The following UBA52 variants were observed in gnomAD, a reference collection of about 807,000 sequenced individuals.
UBA52 encodes ubiquitin-ribosomal protein eL40 fusion protein.
A neutral mutation model predicts 15.3 loss-of-function variants in UBA52; 1 was observed. The ratio of observed to expected loss-of-function variants is 0.07; its 90% confidence interval spans 0.02 to 0.31. UBA52 has a LOEUF of 0.31. Ranked by LOEUF, UBA52 falls within the 10% of genes least tolerant of loss-of-function variation. The probability of loss-of-function intolerance (pLI) is 1.00; values close to 1 mark genes in which losing one functional copy is unlikely to be tolerated. For synonymous variants in UBA52, 50 were observed against 58.3 expected, an observed-to-expected ratio of 0.86 and a Z score of 0.65; for missense variants, 87 against 168.0, an observed-to-expected ratio of 0.52 and a Z score of 2.66.
chr19:18,574,171 C>G (rs1338977554), intron 3 of UBA52, among the ~76,000 whole-genome samples: 2 of 150,062 alleles, frequency 1.3e-5, no homozygotes, highest in Non-Finnish European at 3.0e-5. Flanking sequence ...GTAGTCCCAG[C>G]TACTCAGGAG....
intron 3 of UBA52, 113 bp downstream of exon 3, chr19:18,573,861 A>G (rs1043670003): frequency 5.9e-6 from 6 of 1,021,092 alleles, no homozygotes; most frequent in Non-Finnish European, 7.2e-6. Context: ...TTTTGTTTAA[A>G]ATAATGGGAC....
chr19:18,565,849 A>G, the UBA52 span, among the ~76,000 whole-genome samples: 1 of 152,052 alleles, frequency 6.6e-6, no homozygotes, highest in African/African-American at 2.4e-5. Flanking sequence ...TGCCACGCCC[A>G]GCTGATTTTT....
upstream of UBA52, chr19:18,568,265 CAAAAAAAAA>C: frequency 2.0e-6 from 1 of 498,658 alleles, no homozygotes; most frequent in Non-Finnish European, 3.4e-6. Context: ...AACTCCGTCT[CAAAAAAAAA>C]AAAAAAAAAG....
intron 3 of UBA52, among the ~76,000 whole-genome samples, chr19:18,574,215 CAA>C (rs41293565): frequency 1.4e-5 from 2 of 143,886 alleles, no homozygotes; most frequent in African/African-American, 2.5e-5. Flanking sequence ...ACTCGGGAGA[CAA>C]AAAAAAAAAG....
chr19:18,564,760 T>C, the UBA52 span: 2 of 1,260,346 alleles, frequency 1.6e-6, no homozygotes, highest in Non-Finnish European at 1.1e-6. Flanking sequence ...GAACAGCCCA[T>C]GCAAAGGTTG....
At chr19:18,565,516 G>A in the UBA52 span, among the ~76,000 whole-genome samples, 7 of 152,062 alleles carry the variant, frequency 4.6e-5, no homozygotes, top group East Asian at 1.4e-3. Flanking sequence ...ACAGGCGTGA[G>A]CCACTGCGCC....
chr19:18,567,484 G>T (rs1235690841), upstream of UBA52, among the ~76,000 whole-genome samples: 1 of 152,220 alleles, frequency 6.6e-6, no homozygotes, highest in African/African-American at 2.4e-5. Context: ...ACGGGCTCAT[G>T]TGACACCAGC....
Position 18,577,339 on chromosome 19 carries a change from G to C in UBA52, c.*2189G>C, listed in dbSNP as rs893682917. 1 of 152,174 alleles carries C rather than the reference G, an allele frequency of 6.6e-6. No homozygotes were observed. The highest frequency in any genetic ancestry group is 1.5e-5 in the Non-Finnish European group (1 of 68,044). 9.4% of individuals were successfully genotyped at this position (152,174 alleles called of 1,614,324 possible). A position where few individuals can be genotyped will look rare whatever the true frequency, so the allele number is the denominator to read the frequency against. On this transcript the variant is annotated 3_prime_UTR_variant, in exon 5 of 5. Transcript: ENST00000442744. ...CTCTTAATGGACAAAAAGAAAGAAA[G>C]GGGAGGGAGTAACAGGGATATGAGC...
At chr19:18,574,215 C>CAA (rs41293565) in intron 3 of UBA52, among the ~76,000 whole-genome samples, 90,560 of 143,534 alleles carry the variant, frequency 0.63, 28,182 homozygotes, top group African/African-American at 0.72. Context: ...ACTCGGGAGA[C>CAA]AAAAAAAAAA....
chr19:18,572,955 C>T, intron 1 of UBA52: 1 of 1,137,174 alleles, frequency 8.8e-7, no homozygotes, highest in Non-Finnish European at 1.1e-6. Context: ...AAGATGATGC[C>T]AAAGGGTACT....
rs771851676 is a variant in UBA52, at chr19:18,573,664, A to C, written c.106A>C (p.Ile36Leu). The C allele has an allele frequency of 1.2e-6, 2 of 1,613,854 alleles. No individual in the cohort carries two copies. The highest frequency in any genetic ancestry group is 2.7e-5 in the African/African-American group (2 of 74,902). Residue 36 changes from isoleucine (I) to leucine (L), a missense_variant and splice_region_variant, in exon 3 of 5, where the codon ATC (isoleucine) becomes CTC (leucine). Coordinates refer to ENST00000442744, the MANE Select transcript of UBA52 (RefSeq NM_001033930.3). ...VKAKIQDKEG[I>L]PPDQQRLIFA... The stretch of plus-strand genomic sequence containing the variant: ...AACTGAGCCTCCCTCCCCCTCAGGT[A>C]TCCCACCTGACCAGCAGCGTCTGAT...
At chr19:18,565,791 G>A in the UBA52 span, among the ~76,000 whole-genome samples, 2 of 152,204 alleles carry the variant, frequency 1.3e-5, no homozygotes, top group African/African-American at 4.8e-5. Flanking sequence ...AGGTTCAAGC[G>A]ATTCTCCTGC....
chr19:18,573,593 C>A, intron 2 of UBA52, 69 bp from the exon 3 acceptor site: 2 of 1,528,572 alleles, frequency 1.3e-6, no homozygotes, highest in Non-Finnish European at 9.0e-7. Context: ...AGTGCTGGAG[C>A]TCCCCTGCAG....
upstream of UBA52, among the ~76,000 whole-genome samples, chr19:18,569,563 G>A (rs549946839): frequency 4.0e-5 from 6 of 151,828 alleles, no homozygotes; most frequent in South Asian, 2.1e-4. Flanking sequence ...CCAAGTTCCC[G>A]TCACCAGCTA....
chr19:18,573,245 C>A, intron 1 of UBA52, 48 bp from the exon 2 acceptor site: 1 of 1,557,676 alleles, frequency 6.4e-7, no homozygotes, highest in Non-Finnish European at 8.9e-7. Flanking sequence ...TTGTGCTACT[C>A]AGGCATGCAT....
chr19:18,574,100 A>G (rs898254427), intron 3 of UBA52, among the ~76,000 whole-genome samples: 5 of 151,914 alleles, frequency 3.3e-5, no homozygotes, highest in African/African-American at 9.7e-5. Context: ...CATGACCAAC[A>G]TGGTGAAATC....
rs1042305897 is a variant in UBA52 at position 18,577,443 on chromosome 19, A to G, written c.*2293A>G. 1.3e-5 allele frequency: 2 copies of G among 152,078 alleles called. No individual in the cohort carries two copies. Among genetic ancestry groups the G allele is most frequent in the African/African-American group, 2.4e-5 (1 of 41,410 alleles). The allele number at this position is 152,078 out of a possible 1,614,324, so 9.4% of individuals were successfully genotyped here. A position where few individuals can be genotyped will look rare whatever the true frequency, so the allele number is the denominator to read the frequency against. On this transcript the variant is annotated 3_prime_UTR_variant, in exon 5 of 5. Coordinates refer to ENST00000442744, the MANE Select transcript of UBA52 (RefSeq NM_001033930.3). Reference sequence around the variant, plus strand: ...GGAAGCTTTCCTTTCGCTTCATTCAATAAACAGCTGCTGCTCACTCTCCTG... The same window carrying G: ...GGAAGCTTTCCTTTCGCTTCATTCAGTAAACAGCTGCTGCTCACTCTCCTG...
chr19:18,574,811 C>G, intron 3 of UBA52, 59 bp from the exon 4 acceptor site: 1 of 1,599,896 alleles, frequency 6.3e-7, no homozygotes, highest in African/African-American at 1.3e-5. Flanking sequence ...GGGTCCTGCC[C>G]CTGTGACTGA....
At chr19:18,566,113 G>A in the UBA52 span, among the ~76,000 whole-genome samples, 7 of 152,146 alleles carry the variant, frequency 4.6e-5, no homozygotes, top group African/African-American at 1.2e-4. Context: ...TTATAGGCAT[G>A]AGCCATCATG....
Sources: allele counts gnomAD v4.1 joint callset (sites outside exome capture counted in the v4.1 genomes callset), GRCh38; gene constraint gnomAD v4.1.1; transcripts MANE v1.5; gene names NCBI Gene and HGNC (gene_info 2026-07-23, HGNC 2026-07-21).